PARN: variants seen among roughly 807,000 people sequenced by gnomAD.
PARN encodes poly(A)-specific ribonuclease.
In PARN, 71 loss-of-function variants were observed where a neutral mutation model predicts 102.8. The ratio of observed to expected loss-of-function variants is 0.69; its 90% confidence interval spans 0.57 to 0.84. The LOEUF (loss-of-function observed/expected upper bound fraction) is 0.84, where lower values mean the gene tolerates loss of function less well. Among genes scored for constraint, PARN ranks in the 40% least tolerant of loss-of-function variants. The probability of loss-of-function intolerance (pLI) is 0.00; values close to 1 mark genes in which losing one functional copy is unlikely to be tolerated. For missense variants in PARN, 782 were observed against 760.9 expected (o/e 1.03, Z -0.33); for synonymous variants, 261 against 252.9 (o/e 1.03, Z -0.30).
chr16:14,600,147 A>T (rs764140063), intron 11 of PARN, among the ~76,000 whole-genome samples, 187 bp from the exon 12 acceptor site: 1 of 152,204 alleles, frequency 6.6e-6, no homozygotes, highest in Non-Finnish European at 1.5e-5. Flanking sequence ...CTTTTCTTCT[A>T]TTTTAGAAAG....
rs146662985 is a variant in PARN, at chr16:14,628,449, G to A, written c.98-198C>T. ...CCTCTAATAATGAACTTAGAGATGC[G>A]AATGTTTCAACATGAGAATAGGCAG... is the stretch of plus-strand genomic sequence containing the variant. On this transcript the variant is annotated intron_variant, in intron 2 of 23. Coordinates refer to ENST00000437198, the MANE Select transcript of PARN (RefSeq NM_002582.4). 8.1e-4 allele frequency among the ~76,000 whole-genome samples: 124 copies of A among 152,212 alleles called. 1 individual carries two copies. In the East Asian group the frequency reaches 0.022, roughly 27 times the overall value.
rs547359250 is a variant in PARN at position 14,513,290 on chromosome 16, T to C, written c.1481-30463A>G. 4.6e-5 allele frequency among the ~76,000 whole-genome samples: 7 copies of C among 152,346 alleles called. No individual in the cohort carries two copies. The South Asian group carries it at 1.4e-3, about 32-fold the overall frequency. ...CAAAAACAAAATCATTAACGTAATA[T>C]AAACTGCTCATATATAATACAAACA... On this transcript the variant is annotated intron_variant, in intron 21 of 23. Coordinates refer to ENST00000437198, the MANE Select transcript of PARN (RefSeq NM_002582.4).
rs1432639676 is a variant in PARN, at chr16:14,554,153, T to G, written c.1319-2A>C. On this transcript the variant is annotated splice_acceptor_variant, in intron 19 of 23. Coordinates refer to ENST00000437198, the MANE Select transcript of PARN (RefSeq NM_002582.4). LOFTEE classifies it high-confidence loss of function. ...GAACATGATCACGTTTAGGCTGCAC[T>G]ACAAGACAAATTTATGATGAAATAT... 1.2e-6 allele frequency: 2 copies of G among 1,602,652 alleles called. No individual in the cohort carries two copies. The highest frequency in any genetic ancestry group is 1.1e-5 in the South Asian group (1 of 89,526).
intron 22 of PARN, among the ~76,000 whole-genome samples, chr16:14,460,680 C>T (rs1313026893): frequency 6.6e-6 from 1 of 152,132 alleles, no homozygotes; most frequent in Non-Finnish European, 1.5e-5. Context: ...ACATTTAGTA[C>T]ACTGCAATTT....
chr16:14,531,898 T>TC lies in PARN; in HGVS notation c.1480+20122_1480+20123insG, dbSNP rs1283712192. On this transcript the variant is annotated intron_variant, in intron 21 of 23. Transcript: ENST00000437198. ...GCCAAGATAGCAAGATCCCATTTCT[T>TC]TAAAAAAAAAAAAAAAAAGGCAGGC... is the stretch of plus-strand genomic sequence containing the variant. Among the ~76,000 whole-genome samples, 101 of 103,442 alleles carry TC rather than the reference T, an allele frequency of 9.8e-4. 1 individual carries two copies. The highest frequency in any genetic ancestry group is 2.8e-3 in the African/African-American group (95 of 34,244). The allele number at this position is 103,442 out of a possible 152,430, so 67.9% of individuals were successfully genotyped here.
chr16:14,473,558 A>G (rs1471029573), intron 22 of PARN, among the ~76,000 whole-genome samples: 2 of 152,216 alleles, frequency 1.3e-5, no homozygotes, highest in Non-Finnish European at 2.9e-5. Flanking sequence ...AGCAAACAAG[A>G]GCTAAACAAC....
At position 14,590,463 on chromosome 16, in the gene PARN, C is replaced by T. The variant is rs565787694; in HGVS notation, c.918+2838G>A. 4.6e-4 allele frequency among the ~76,000 whole-genome samples: 69 copies of T among 151,428 alleles called. 1 individual carries two copies. The South Asian group carries it at 0.014, about 30-fold the overall frequency. On this transcript the variant is annotated intron_variant, in intron 13 of 23. Transcript: ENST00000437198. ...CAGCCAGGCCAACATGGTGAAATCCCGTCTCTACTAAACATACAAAAATTA... is the reference window on the plus strand; with the variant it reads ...CAGCCAGGCCAACATGGTGAAATCCTGTCTCTACTAAACATACAAAAATTA...
rs552256376 is a variant in PARN at position 14,613,242 on chromosome 16, G to C, written c.389-2433C>G. Among the ~76,000 whole-genome samples the C allele has an allele frequency of 4.6e-5, 7 of 150,950 alleles. No individual in the cohort carries two copies. In the East Asian group the frequency reaches 1.4e-3, roughly 30 times the overall value. On this transcript the variant is annotated intron_variant, in intron 6 of 23. Coordinates refer to ENST00000437198, the MANE Select transcript of PARN (RefSeq NM_002582.4). ...GAGAATCGCTTGAACCTGGGAGGCAGAGGTTGCGGTGAGTCAAGATTGCAC... is the reference window on the plus strand; with the variant it reads ...GAGAATCGCTTGAACCTGGGAGGCACAGGTTGCGGTGAGTCAAGATTGCAC...
intron 2 of PARN, among the ~76,000 whole-genome samples, chr16:14,629,066 T>C (rs762196128): frequency 6.6e-6 from 1 of 152,206 alleles, no homozygotes; most frequent in African/African-American, 2.4e-5. Flanking sequence ...ATTCCACTTA[T>C]ATGAGATGTT....
chr16:14,557,286 G>A (rs561058576), intron 18 of PARN, among the ~76,000 whole-genome samples: 22 of 150,746 alleles, frequency 1.5e-4, no homozygotes, highest in African/African-American at 4.6e-4. Context: ...AGGGCCAGGC[G>A]CGGTGGCTCA....
At chr16:14,586,266 C>A in intron 14 of PARN, 52 bp downstream of exon 14, 4 of 1,099,512 alleles carry the variant, frequency 3.6e-6, no homozygotes, top group Non-Finnish European at 5.4e-6. Context: ...TGTGAGCCAC[C>A]GTGCCCAGCC....
chr16:14,623,374 C>T (rs1972439841), intron 5 of PARN, among the ~76,000 whole-genome samples: 1 of 151,786 alleles, frequency 6.6e-6, no homozygotes, highest in African/African-American at 2.4e-5. Flanking sequence ...ATTAGCTGGG[C>T]GTGTTAGCAC....
intron 23 of PARN, among the ~76,000 whole-genome samples, chr16:14,446,190 C>G (rs1359648818): frequency 6.6e-6 from 1 of 152,176 alleles, no homozygotes; most frequent in South Asian, 2.1e-4. Flanking sequence ...GCATGAAGGG[C>G]TGAGTGAGGC....
At chr16:14,505,406 T>G (rs1259934948) in intron 21 of PARN, among the ~76,000 whole-genome samples, 1 of 152,116 alleles carries the variant, frequency 6.6e-6, no homozygotes, top group Non-Finnish European at 1.5e-5. Context: ...GCCCAGGAGT[T>G]AAAGGCTGAA....
intron 21 of PARN, among the ~76,000 whole-genome samples, chr16:14,486,811 C>T (rs769336332): frequency 9.2e-5 from 14 of 152,350 alleles, no homozygotes; most frequent in African/African-American, 2.2e-4. Flanking sequence ...TTCCAGCTCG[C>T]CTGTCAGAAG....
intron 21 of PARN, among the ~76,000 whole-genome samples, chr16:14,498,208 G>C (rs564139479): frequency 6.6e-6 from 1 of 152,134 alleles, no homozygotes; most frequent in African/African-American, 2.4e-5. Flanking sequence ...AGGAGAGGAG[G>C]GGAACTGGAG....
chr16:14,603,513 T>C (rs1440026280), intron 11 of PARN, among the ~76,000 whole-genome samples: 1 of 152,108 alleles, frequency 6.6e-6, no homozygotes, highest in African/African-American at 2.4e-5. Context: ...TGTGCAAATG[T>C]CTGGCATGAG....
At chr16:14,600,922 G>A (rs1239614315) in intron 11 of PARN, among the ~76,000 whole-genome samples, 3 of 151,902 alleles carry the variant, frequency 2.0e-5, no homozygotes, top group Non-Finnish European at 2.9e-5. Context: ...CAACAAGAGC[G>A]AAACTCCATC....
Position 14,613,216 on chromosome 16 carries a change from G to C in PARN, c.389-2407C>G, listed in dbSNP as rs530530773. Among the ~76,000 whole-genome samples, 41 of 151,812 alleles carry C rather than the reference G, an allele frequency of 2.7e-4. No individual in the cohort carries two copies. The East Asian group carries it at 7.3e-3, about 27-fold the overall frequency. ...CCCAGCTACTCTGGAGGCTGAGGCA[G>C]GAGAATCGCTTGAACCTGGGAGGCA... is the stretch of plus-strand genomic sequence containing the variant. On this transcript the variant is annotated intron_variant, in intron 6 of 23. Transcript: ENST00000437198.
Sources: allele counts gnomAD v4.1 joint callset (sites outside exome capture counted in the v4.1 genomes callset), GRCh38; gene constraint gnomAD v4.1.1; transcripts MANE v1.5; gene names NCBI Gene and HGNC (gene_info 2026-07-23, HGNC 2026-07-21).